CCDC6: variants seen among roughly 807,000 people sequenced by gnomAD.
The protein encoded by CCDC6 is coiled-coil domain containing 6, also known as coiled-coil domain-containing protein 6.
Under a neutral mutation model 56.6 loss-of-function variants are expected in CCDC6, and 20 were observed. That is an observed-to-expected ratio of 0.35 (90% confidence interval 0.25 to 0.51). The LOEUF (loss-of-function observed/expected upper bound fraction) is 0.51. Among genes scored for constraint, CCDC6 ranks in the 20% least tolerant of loss-of-function variants. The pLI is 0.95. For missense variants in CCDC6, 367 were observed against 601.1 expected, an observed-to-expected ratio of 0.61 and a Z score of 4.07; for synonymous variants, 241 against 234.4, an observed-to-expected ratio of 1.03 and a Z score of -0.26.
At chr10:59,850,307 T>G (rs898017728) in intron 2 of CCDC6, among the ~76,000 whole-genome samples, 2 of 152,074 alleles carry the variant, frequency 1.3e-5, no homozygotes, top group East Asian at 1.9e-4. Flanking sequence ...CGCCACCAAA[T>G]TGTACACTCA....
chr10:59,794,490 T>G lies in CCDC6; in HGVS notation c.1213A>C (p.Thr405Pro), dbSNP rs774749017. The G allele has an allele frequency of 9.3e-6, 15 of 1,614,044 alleles. No individual in the cohort carries two copies. Among genetic ancestry groups the G allele is most frequent in the Non-Finnish European group, 1.3e-5 (15 of 1,179,892 alleles). ...ACACTTACTGTGATACCATGGGATG[T>G]TCCCATGTGCTGCACGTGAAGACCC... ...SPGLHVQHMGTSHGITRPSPR... is the reference protein window; with the variant it reads ...SPGLHVQHMGPSHGITRPSPR... Residue 405 changes from threonine (T) to proline (P), a missense_variant, in exon 8 of 9, where the codon ACA becomes CCA. Around this residue, in one of 7 missense-constraint regions of CCDC6, gnomAD observed 79 missense variants for 83.9 expected, o/e 0.94. Coordinates refer to ENST00000263102, the MANE Select transcript of CCDC6 (RefSeq NM_005436.5).
At chr10:59,821,608 G>A (rs537287734) in intron 3 of CCDC6, among the ~76,000 whole-genome samples, 1 of 152,284 alleles carries the variant, frequency 6.6e-6, no homozygotes, top group Admixed American at 6.5e-5. Flanking sequence ...TTAAGAACAA[G>A]TTCTAGGTCA....
intron 6 of CCDC6, among the ~76,000 whole-genome samples, chr10:59,806,237 C>T (rs1446287604): frequency 6.6e-6 from 1 of 152,134 alleles, no homozygotes. Context: ...TTACCACTAC[C>T]TTATCCCGAA....
chr10:59,856,823 A>T (rs1033795955), intron 1 of CCDC6, among the ~76,000 whole-genome samples: 1 of 152,220 alleles, frequency 6.6e-6, no homozygotes, highest in Non-Finnish European at 1.5e-5. Flanking sequence ...TTCCAAAGCA[A>T]AATAAGTGAA....
intron 1 of CCDC6, among the ~76,000 whole-genome samples, chr10:59,860,460 C>T (rs1053777748): frequency 6.6e-6 from 1 of 152,112 alleles, no homozygotes; most frequent in Admixed American, 6.6e-5. Context: ...GAGATCTAAA[C>T]CACCAATGGT....
At chr10:59,824,970 T>C (rs2070776341) in intron 3 of CCDC6, among the ~76,000 whole-genome samples, 1 of 152,236 alleles carries the variant, frequency 6.6e-6, no homozygotes, top group Non-Finnish European at 1.5e-5. Flanking sequence ...TGGTTGTTCT[T>C]TGTGTTTTCA....
Position 59,906,066 on chromosome 10 carries a change from C to T in CCDC6, c.303+56G>A. On this transcript the variant is annotated intron_variant, in intron 1 of 8. Coordinates refer to ENST00000263102, the MANE Select transcript of CCDC6 (RefSeq NM_005436.5). ...GGGGGGTGGCTGGATTCGGGTGCAG[C>T]CCCTCCCGGGGCGGGCGGAGGTCGG... is the stretch of plus-strand genomic sequence containing the variant. 3 of 1,466,040 alleles carry T rather than the reference C, an allele frequency of 2.0e-6. No individual in the cohort carries two copies. In the South Asian group the frequency reaches 3.9e-5, roughly 19 times the overall value. The allele number at this position is 1,466,040 out of a possible 1,614,324, so 90.8% of individuals were successfully genotyped here.
chr10:59,867,174 G>C (rs929060578), intron 1 of CCDC6, among the ~76,000 whole-genome samples: 1 of 152,182 alleles, frequency 6.6e-6, no homozygotes, highest in African/African-American at 2.4e-5. Context: ...TTCTGAGATA[G>C]GGAATTTGGG....
intron 1 of CCDC6, among the ~76,000 whole-genome samples, chr10:59,902,779 T>C (rs936527806): frequency 6.6e-6 from 1 of 152,202 alleles, no homozygotes; most frequent in African/African-American, 2.4e-5. Flanking sequence ...GGCAATTTCT[T>C]ATAAAACTAA....
intron 6 of CCDC6, chr10:59,805,550 C>A (rs2070614178): frequency 6.6e-6 from 1 of 152,120 alleles, no homozygotes; most frequent in South Asian, 2.1e-4. Flanking sequence ...GTATCTTACC[C>A]CAAACTGGGT....
chr10:59,862,804 G>C (rs1364126232), intron 1 of CCDC6, among the ~76,000 whole-genome samples: 1 of 151,968 alleles, frequency 6.6e-6, no homozygotes, highest in Non-Finnish European at 1.5e-5. Context: ...TAACGTATAT[G>C]GCAGTGTACA....
chr10:59,811,681 C>T (rs12266575), intron 5 of CCDC6, among the ~76,000 whole-genome samples: 2,163 of 152,222 alleles, frequency 0.014, 53 homozygotes, highest in East Asian at 0.078. Flanking sequence ...TGTGCATACT[C>T]AGGTCCTGTA....
At chr10:59,859,905 A>T (rs1023610031) in intron 1 of CCDC6, among the ~76,000 whole-genome samples, 1 of 152,164 alleles carries the variant, frequency 6.6e-6, no homozygotes, top group South Asian at 2.1e-4. Flanking sequence ...AATGTGGCGA[A>T]AACCCATTAC....
rs1172379933 is a variant in CCDC6, at chr10:59,876,073, C to CTTTTTTTTTTTTTTT, written c.304-23386_304-23372dup. ...CATACACGAGTGCATGCACAGATGT[C>CTTTTTTTTTTTTTTT]TTTTTTTTTTTTTTTTTTCAGATCG... On this transcript the variant is annotated intron_variant, in intron 1 of 8. Transcript: ENST00000263102. 6.2e-4 allele frequency among the ~76,000 whole-genome samples: 60 copies of CTTTTTTTTTTTTTTT among 97,544 alleles called. 18 individuals carry two copies. Among genetic ancestry groups the CTTTTTTTTTTTTTTT allele is most frequent in the African/African-American group, 1.2e-3 (28 of 24,212 alleles). The allele number at this position is 97,544 out of a possible 152,430, so 64.0% of individuals were successfully genotyped here.
At chr10:59,798,430 T>C (rs1031074716) in intron 7 of CCDC6, among the ~76,000 whole-genome samples, 6 of 152,232 alleles carry the variant, frequency 3.9e-5, no homozygotes, top group African/African-American at 1.4e-4. Flanking sequence ...AAGTTTATTT[T>C]GTGATTTGAC....
Position 59,794,556 on chromosome 10 carries a change from T to G in CCDC6, c.1147A>C (p.Thr383Pro), listed in dbSNP as rs368599035. The change falls in exon 8 of 9, where the codon ACT becomes CCT. Residue 383 changes from threonine to proline, a missense_variant. Transcript: ENST00000263102. ...ASHTVGFTPP[T>P]SLTRAGMSYY... ...GACATTCCAGCTCTAGTCAGTGAAG[T>G]TGGTGGCGTGAAACCAACCGTGTGA... The G allele has an allele frequency of 6.2e-7, 1 of 1,614,060 alleles. No individual in the cohort carries two copies. The highest frequency in any genetic ancestry group is 1.1e-5 in the South Asian group (1 of 91,080).
chr10:59,886,595 TA>T (rs2071384735), intron 1 of CCDC6, among the ~76,000 whole-genome samples: 1 of 152,170 alleles, frequency 6.6e-6, no homozygotes, highest in Non-Finnish European at 1.5e-5. Flanking sequence ...GGTTTTACCA[TA>T]AAATGTTAGC....
chr10:59,885,271 G>A (rs1393282761), intron 1 of CCDC6, among the ~76,000 whole-genome samples: 1 of 152,142 alleles, frequency 6.6e-6, no homozygotes, highest in East Asian at 1.9e-4. Context: ...TTAACAAGCA[G>A]TAAATTATTT....
At chr10:59,801,795 T>C (rs1432021633) in intron 7 of CCDC6, among the ~76,000 whole-genome samples, 2 of 152,174 alleles carry the variant, frequency 1.3e-5, no homozygotes, top group African/African-American at 4.8e-5. Context: ...TAATTAATAC[T>C]GCTCAAATTG....
Sources: gnomAD v4.1 joint callset for allele counts (sites outside exome capture counted in the v4.1 genomes callset) on GRCh38, gnomAD v4.1.1 for gene constraint, gnomAD v4.1.1 regional missense constraint, MANE v1.5 for transcripts, NCBI Gene and HGNC (gene_info 2026-07-23, HGNC 2026-07-21) for gene names.